The following GFRA1 variants were observed in gnomAD, a reference collection of about 807,000 sequenced individuals.
GFRA1 encodes GDNF family receptor alpha 1.
In GFRA1, 16 loss-of-function variants were observed where a neutral mutation model predicts 51.6. That is an observed-to-expected ratio of 0.31 (90% CI 0.21 to 0.47). The LOEUF is 0.47. Ranked by LOEUF, GFRA1 falls within the 20% of genes least tolerant of loss-of-function variation. The pLI is 1.00. For missense variants in GFRA1, 530 were observed against 594.3 expected (o/e 0.89, Z 1.13); for synonymous variants, 270 against 241.3 (o/e 1.12, Z -1.10).
chr10:116,115,733 C>T (rs1217437138), intron 6 of GFRA1, among the ~76,000 whole-genome samples: 1 of 152,090 alleles, frequency 6.6e-6, no homozygotes, highest in African/African-American at 2.4e-5. Context: ...ACGGAAACAC[C>T]CCCTTCCCTG....
At chr10:116,131,341 C>G (rs531677812) in intron 5 of GFRA1, among the ~76,000 whole-genome samples, 1 of 152,266 alleles carries the variant, frequency 6.6e-6, no homozygotes, top group South Asian at 2.1e-4. Context: ...TGTGGAAAAA[C>G]ATTCGGTAGC....
At chr10:116,070,534 G>A (rs775374293) in intron 9 of GFRA1, among the ~76,000 whole-genome samples, 21 of 152,180 alleles carry the variant, frequency 1.4e-4, no homozygotes, top group Non-Finnish European at 2.5e-4. Context: ...GAGGTTAACT[G>A]AGCAGAGGAA....
At chr10:116,196,566 ATAATATATATAATATATAG>A (rs1273530191) in intron 5 of GFRA1, among the ~76,000 whole-genome samples, 2 of 51,504 alleles carry the variant, frequency 3.9e-5, no homozygotes, top group Non-Finnish European at 3.8e-5. Flanking sequence ...TATACTATAT[ATAATATATATAATATATAG>A]TACTATATAT....
At chr10:116,260,791 A>T (rs1969242809) in intron 4 of GFRA1, among the ~76,000 whole-genome samples, 1 of 152,210 alleles carries the variant, frequency 6.6e-6, no homozygotes, top group Admixed American at 6.5e-5. Flanking sequence ...GACATAATAA[A>T]TTAGCCTCTT....
At chr10:116,181,424 G>A (rs989629678) in intron 5 of GFRA1, among the ~76,000 whole-genome samples, 1 of 152,280 alleles carries the variant, frequency 6.6e-6, no homozygotes, top group Non-Finnish European at 1.5e-5. Context: ...AGGACCCTGG[G>A]CCAGGAGTCA....
chr10:116,152,983 C>A (rs1293818863), intron 5 of GFRA1, among the ~76,000 whole-genome samples: 1 of 152,132 alleles, frequency 6.6e-6, no homozygotes, highest in Non-Finnish European at 1.5e-5. Context: ...GTGTTATAAA[C>A]CTGATCTTAT....
At chr10:116,255,819 G>C in intron 4 of GFRA1, 1 of 1,134,218 alleles carries the variant, frequency 8.8e-7, no homozygotes, top group Non-Finnish European at 1.2e-6. Context: ...CAGTCAGTTC[G>C]CAAAAAACCT....
At chr10:116,121,791 T>G (rs1957657586) in intron 6 of GFRA1, among the ~76,000 whole-genome samples, 1 of 152,092 alleles carries the variant, frequency 6.6e-6, no homozygotes, top group African/African-American at 2.4e-5. Flanking sequence ...AGTGGTGAGG[T>G]TAGGGTTATA....
At chr10:116,255,136 C>T (rs1477302161) in intron 4 of GFRA1, among the ~76,000 whole-genome samples, 2 of 152,070 alleles carry the variant, frequency 1.3e-5, no homozygotes, top group African/African-American at 2.4e-5. Context: ...TTCTGGGCTT[C>T]GACTTCTTTA....
At chr10:116,249,549 TGAAA>T (rs1968142829) in intron 4 of GFRA1, among the ~76,000 whole-genome samples, 1 of 152,142 alleles carries the variant, frequency 6.6e-6, no homozygotes, top group South Asian at 2.1e-4. Context: ...CTGTCCTTCA[TGAAA>T]GAAAGACTCC....
At chr10:116,134,215 T>C (rs1473482362) in intron 5 of GFRA1, among the ~76,000 whole-genome samples, 1 of 152,232 alleles carries the variant, frequency 6.6e-6, no homozygotes, top group Non-Finnish European at 1.5e-5. Context: ...TCTGGGTATC[T>C]TTCTGCCTTT....
At chr10:116,075,654 A>G (rs973069380) in intron 9 of GFRA1, among the ~76,000 whole-genome samples, 1 of 152,210 alleles carries the variant, frequency 6.6e-6, no homozygotes, top group African/African-American at 2.4e-5. Context: ...TTTCTTAAAA[A>G]AAAATCAACA....
rs150802878 is a variant in GFRA1 at position 116,084,205 on chromosome 10, C to T, written c.1197+5536G>A. 9.8e-5 allele frequency among the ~76,000 whole-genome samples: 15 copies of T among 152,292 alleles called. No homozygotes were observed. In the East Asian group the frequency reaches 2.1e-3, roughly 22 times the overall value. ...ACTGGTGGAGTGGTTGGGGGCAGGA[C>T]GGCTGCCCTCTGCATGGTTGATTTT... On this transcript the variant is annotated intron_variant, in intron 9 of 10. Transcript: ENST00000355422.
intron 6 of GFRA1, among the ~76,000 whole-genome samples, chr10:116,108,307 G>T (rs1010151717): frequency 7.9e-5 from 12 of 152,116 alleles, no homozygotes; most frequent in African/African-American, 2.9e-4. Flanking sequence ...TTCCTTCTTA[G>T]ATAGGGCATT....
At chr10:116,165,383 G>GA (rs1224710867) in intron 5 of GFRA1, among the ~76,000 whole-genome samples, 1 of 146,398 alleles carries the variant, frequency 6.8e-6, no homozygotes, top group Non-Finnish European at 1.5e-5. Context: ...TGTCCCAAGG[G>GA]AAAAAACCCT....
intron 4 of GFRA1, among the ~76,000 whole-genome samples, chr10:116,231,622 T>G (rs1179953776): frequency 1.3e-5 from 2 of 152,224 alleles, no homozygotes; most frequent in African/African-American, 2.4e-5. Context: ...CTTTCCATTC[T>G]TAAAAAGCAT....
At chr10:116,222,172 C>T (rs1201094145) in intron 4 of GFRA1, among the ~76,000 whole-genome samples, 1 of 152,028 alleles carries the variant, frequency 6.6e-6, no homozygotes, top group Non-Finnish European at 1.5e-5. Context: ...GTGCAGCAGC[C>T]AGAGGGCTTT....
chr10:116,159,916 C>A (rs530991640), intron 5 of GFRA1, among the ~76,000 whole-genome samples: 3 of 152,322 alleles, frequency 2.0e-5, no homozygotes, highest in African/African-American at 7.2e-5. Flanking sequence ...ATTAATCCCA[C>A]CTCCCACTGA....
chr10:116,057,917 T>A lies in GFRA1; in HGVS notation c.*6481A>T, dbSNP rs548840401. ...AGCTACAGCTAAAAAATAATAATAA[T>A]AAAAAAAAATTCCCGATCAAGCATG... On this transcript the variant is annotated 3_prime_UTR_variant, in exon 11 of 11. Coordinates refer to ENST00000355422, the MANE Select transcript of GFRA1 (RefSeq NM_005264.8). 5.5e-5 allele frequency: 8 copies of A among 145,450 alleles called. No homozygotes were observed. The highest frequency in any genetic ancestry group is 4.4e-4 in the South Asian group (2 of 4,548). 9.0% of individuals were successfully genotyped at this position (145,450 alleles called of 1,614,324 possible). A position where few individuals can be genotyped will look rare whatever the true frequency, so the allele number is the denominator to read the frequency against.
Sources: allele counts gnomAD v4.1 joint callset (sites outside exome capture counted in the v4.1 genomes callset), GRCh38; gene constraint gnomAD v4.1.1; transcripts MANE v1.5; gene names NCBI Gene and HGNC (gene_info 2026-07-23, HGNC 2026-07-21).